The following YAP1 variants were observed in gnomAD, a reference collection of about 807,000 sequenced individuals.
YAP1 encodes the protein transcriptional coactivator YAP1.
YAP1 carries 5 observed loss-of-function variants against 56.9 expected under a neutral mutation model. That is an observed-to-expected ratio of 0.09 (90% CI 0.05 to 0.18). The LOEUF (loss-of-function observed/expected upper bound fraction) is 0.18, where lower values mean the gene tolerates loss of function less well. Ranked by LOEUF, YAP1 falls within the 10% of genes least tolerant of loss-of-function variation. YAP1 has a pLI of 1.00. For synonymous variants in YAP1, 265 were observed against 248.1 expected (o/e 1.07, Z -0.64); for missense variants, 539 against 651.8 (o/e 0.83, Z 1.88).
chr11:102,226,277 A>G (rs1950189508), intron 7 of YAP1, among the ~76,000 whole-genome samples: 1 of 152,152 alleles, frequency 6.6e-6, no homozygotes, highest in Non-Finnish European at 1.5e-5. Flanking sequence ...GCCTTGGCAA[A>G]ATCTGGCAGA....
chr11:102,119,678 T>C (rs75184157), intron 2 of YAP1, among the ~76,000 whole-genome samples: 2,221 of 149,288 alleles, frequency 0.015, 27 homozygotes, highest in African/African-American at 0.033. Flanking sequence ...AACCCTAAAA[T>C]AAGTCCTCTT....
intron 3 of YAP1, among the ~76,000 whole-genome samples, chr11:102,173,499 C>T (rs1048145382): frequency 2.0e-5 from 3 of 152,082 alleles, no homozygotes; most frequent in African/African-American, 7.2e-5. Flanking sequence ...TTTAATATAT[C>T]ATTGGACCAA....
At chr11:102,127,830 C>A (rs1338912678) in intron 2 of YAP1, among the ~76,000 whole-genome samples, 1 of 152,172 alleles carries the variant, frequency 6.6e-6, no homozygotes, top group Non-Finnish European at 1.5e-5. Flanking sequence ...GCGGAGCTGC[C>A]CAAGACCATG....
In YAP1 at chr11:102,117,921, A is replaced by G. The variant is rs181292068; in HGVS notation, c.572+3527A>G. On this transcript the variant is annotated intron_variant, in intron 2 of 8. Coordinates refer to ENST00000282441, the MANE Select transcript of YAP1 (RefSeq NM_001130145.3). ...CTGTCTTACGGTTTTCCTACAGGAA[A>G]TAGTTCTTCAAGTAGTTGGTCAACA... Among the ~76,000 whole-genome samples, 8 of 152,306 alleles carry G rather than the reference A, an allele frequency of 5.3e-5. No homozygotes were observed. In the East Asian group the frequency reaches 1.5e-3, roughly 29 times the overall value.
At chr11:102,155,998 T>C (rs1422749160) in intron 2 of YAP1, among the ~76,000 whole-genome samples, 2 of 152,138 alleles carry the variant, frequency 1.3e-5, no homozygotes, top group African/African-American at 2.4e-5. Context: ...TCATGACAAA[T>C]GAGGTCAGAG....
chr11:102,176,916 C>T (rs760199765), intron 3 of YAP1, among the ~76,000 whole-genome samples: 9 of 151,970 alleles, frequency 5.9e-5, no homozygotes, highest in Non-Finnish European at 1.3e-4. Flanking sequence ...AGCCATGCGG[C>T]TGGGAGGACT....
intron 4 of YAP1, among the ~76,000 whole-genome samples, chr11:102,203,251 G>GA (rs1340146095): frequency 6.6e-6 from 1 of 152,196 alleles, no homozygotes; most frequent in Non-Finnish European, 1.5e-5. Flanking sequence ...AGAAACCACA[G>GA]AACCATGTTA....
At chr11:102,163,165 G>A (rs1043118269) in intron 3 of YAP1, among the ~76,000 whole-genome samples, 2 of 152,010 alleles carry the variant, frequency 1.3e-5, no homozygotes, top group African/African-American at 4.8e-5. Flanking sequence ...ATAAACCTGA[G>A]TATAAATCTT....
chr11:102,132,289 A>T (rs547528629), intron 2 of YAP1, among the ~76,000 whole-genome samples: 1 of 152,250 alleles, frequency 6.6e-6, no homozygotes, highest in East Asian at 1.9e-4. Context: ...CAGAGCTGCC[A>T]AAAGGTTTTC....
chr11:102,117,341 ATTTTAT>A (rs1943351819), intron 2 of YAP1, among the ~76,000 whole-genome samples: 1 of 152,236 alleles, frequency 6.6e-6, no homozygotes, highest in Admixed American at 6.5e-5. Context: ...GCAATGAAAC[ATTTTAT>A]TTTAATGCAT....
At position 102,230,434 on chromosome 11, in the gene YAP1, C is replaced by A. The variant is rs1175012983; in HGVS notation, c.*494C>A. The A allele has an allele frequency of 1.3e-5, 2 of 155,654 alleles. No individual in the cohort carries two copies. Among genetic ancestry groups the A allele is most frequent in the Admixed American group, 6.3e-5 (1 of 15,876 alleles). The allele number at this position is 155,654 out of a possible 1,614,324, so 9.6% of individuals were successfully genotyped here. ...TATATCTGATATTAAATACTTAATG[C>A]TGATTTGAAGAGATAGCTGAAACCA... is the stretch of plus-strand genomic sequence containing the variant. On this transcript the variant is annotated 3_prime_UTR_variant, in exon 9 of 9. Transcript: ENST00000282441.
At chr11:102,198,054 A>G (rs760450387) in intron 4 of YAP1, among the ~76,000 whole-genome samples, 4 of 152,346 alleles carry the variant, frequency 2.6e-5, no homozygotes, top group East Asian at 1.9e-4. Flanking sequence ...AGTTCTTTCT[A>G]TGGAAACCTT....
intron 3 of YAP1, among the ~76,000 whole-genome samples, chr11:102,185,600 G>A (rs577890278): frequency 3.9e-5 from 6 of 152,200 alleles, no homozygotes; most frequent in Admixed American, 6.5e-5. Flanking sequence ...TATTTTCAAC[G>A]TTCTAAAAAT....
chr11:102,162,390 A>T, intron 2 of YAP1, 66 bp from the exon 3 acceptor site: 1 of 1,407,100 alleles, frequency 7.1e-7, no homozygotes, highest in Non-Finnish European at 1.0e-6. Flanking sequence ...TTATGAGCCC[A>T]CAAGATAAGA....
chr11:102,120,364 C>G (rs1943574204), intron 2 of YAP1, among the ~76,000 whole-genome samples: 1 of 152,230 alleles, frequency 6.6e-6, no homozygotes, highest in African/African-American at 2.4e-5. Context: ...TGAGAAGAAT[C>G]ATAATTTTTA....
intron 4 of YAP1, among the ~76,000 whole-genome samples, chr11:102,192,893 C>G (rs1209082297): frequency 2.6e-5 from 4 of 152,180 alleles, no homozygotes; most frequent in African/African-American, 9.7e-5. Context: ...AGCCTTATCA[C>G]ATGGTGAGTA....
chr11:102,136,205 C>T (rs1228308199), intron 2 of YAP1, among the ~76,000 whole-genome samples: 1 of 152,168 alleles, frequency 6.6e-6, no homozygotes, highest in African/African-American at 2.4e-5. Context: ...TTTTCATATA[C>T]ATTTTGGTCA....
rs1369648706 is a variant in YAP1 at position 102,227,588 on chromosome 11, A to C, written c.1276+7A>C. On this transcript the variant is annotated splice_region_variant and intron_variant, in intron 8 of 8. Coordinates refer to ENST00000282441, the MANE Select transcript of YAP1 (RefSeq NM_001130145.3). ...GTGGATGAGATGGATACAGGTTGGT[A>C]TTCTTTATTCCTCTTAGTAACCTGA... 6.3e-7 allele frequency: 1 copy of C among 1,587,824 alleles called. No homozygotes were observed. The highest frequency in any genetic ancestry group is 8.6e-7 in the Non-Finnish European group (1 of 1,157,112).
At chr11:102,178,923 C>T (rs1947424292) in intron 3 of YAP1, among the ~76,000 whole-genome samples, 1 of 152,174 alleles carries the variant, frequency 6.6e-6, no homozygotes, top group Admixed American at 6.5e-5. Flanking sequence ...CAGTGTGATA[C>T]ATGGTGCAAG....
Sources: gnomAD v4.1 joint callset for allele counts (sites outside exome capture counted in the v4.1 genomes callset) on GRCh38, gnomAD v4.1.1 for gene constraint, MANE v1.5 for transcripts, NCBI Gene and HGNC (gene_info 2026-07-23, HGNC 2026-07-21) for gene names.